NME9: variants seen among roughly 807,000 people sequenced by gnomAD.
NME9 encodes thioredoxin domain-containing protein 6.
A neutral mutation model predicts 44.4 loss-of-function variants in NME9; 48 were observed. That is an observed-to-expected ratio of 1.08 (90% CI 0.86 to 1.37). NME9 has a LOEUF of 1.37. Among genes scored for constraint, NME9 ranks in the 40% most tolerant of loss-of-function variants. The probability of loss-of-function intolerance (pLI) is 0.00; values close to 1 mark genes in which losing one functional copy is unlikely to be tolerated. For missense variants in NME9, 325 were observed against 405.2 expected (o/e 0.80, Z 1.70); for synonymous variants, 139 against 147.1 (o/e 0.94, Z 0.40).
chr3:138,298,816 T>A (rs1007991954), downstream of NME9, among the ~76,000 whole-genome samples: 1 of 152,194 alleles, frequency 6.6e-6, no homozygotes, highest in African/African-American at 2.4e-5. Flanking sequence ...CATCTCTGAA[T>A]TGTAGGCACA....
At chr3:138,322,072 G>A (rs529375317) in intron 2 of NME9, among the ~76,000 whole-genome samples, 1 of 151,702 alleles carries the variant, frequency 6.6e-6, no homozygotes, top group African/African-American at 2.4e-5. Flanking sequence ...GACAGATTTT[G>A]TTTTTTTTAA....
chr3:138,312,792 G>T (rs1306284303), intron 6 of NME9, among the ~76,000 whole-genome samples: 2 of 152,064 alleles, frequency 1.3e-5, no homozygotes, highest in African/African-American at 4.8e-5. Flanking sequence ...GCAAAGCAAA[G>T]GACACAATCA....
intron 8 of NME9, among the ~76,000 whole-genome samples, chr3:138,275,343 G>A (rs576593719): frequency 2.0e-5 from 3 of 152,226 alleles, no homozygotes; most frequent in South Asian, 2.1e-4. Context: ...GGATCACGAG[G>A]TCAGGAGATC....
intron 6 of NME9, among the ~76,000 whole-genome samples, chr3:138,311,558 C>G (rs1333610087): frequency 6.6e-6 from 1 of 152,076 alleles, no homozygotes; most frequent in Admixed American, 6.5e-5. Flanking sequence ...GGGATTCATC[C>G]CAGGGATGTA....
intron 6 of NME9, among the ~76,000 whole-genome samples, chr3:138,307,585 C>G (rs2052368702): frequency 6.6e-6 from 1 of 152,174 alleles, no homozygotes; most frequent in African/African-American, 2.4e-5. Flanking sequence ...TCTGACATTA[C>G]TATTTCTAAC....
chr3:138,287,131 A>G (rs904314809), intron 8 of NME9, among the ~76,000 whole-genome samples: 2 of 152,140 alleles, frequency 1.3e-5, no homozygotes, highest in Admixed American at 6.5e-5. Flanking sequence ...CTTCAGCCCA[A>G]CTGGTCTTCT....
At chr3:138,264,061 T>TG (rs1473898511) in intron 8 of NME9, 12 of 1,411,848 alleles carry the variant, frequency 8.5e-6, no homozygotes, top group Non-Finnish European at 1.2e-5. Context: ...CATTGTAAAA[T>TG]GCCAGCCAGT....
At chr3:138,305,300 G>A (rs912271041) in intron 8 of NME9, among the ~76,000 whole-genome samples, 1 of 152,186 alleles carries the variant, frequency 6.6e-6, no homozygotes, top group Non-Finnish European at 1.5e-5. Context: ...GGGAATAAAC[G>A]TGAGATTATA....
At chr3:138,274,108 C>T (rs747859564) in intron 8 of NME9, among the ~76,000 whole-genome samples, 1 of 151,980 alleles carries the variant, frequency 6.6e-6, no homozygotes, top group African/African-American at 2.4e-5. Flanking sequence ...GTGAGCGTAC[C>T]GTACTTGGCC....
intron 8 of NME9, among the ~76,000 whole-genome samples, chr3:138,267,973 T>C (rs2048430469): frequency 6.6e-6 from 1 of 152,098 alleles, no homozygotes; most frequent in South Asian, 2.1e-4. Flanking sequence ...CCAGGCACGG[T>C]GGTTCATGCG....
At position 138,302,994 on chromosome 3, in the gene NME9, C is replaced by T. The variant is rs552573842; in HGVS notation, c.928+513G>A. 5.3e-5 allele frequency among the ~76,000 whole-genome samples: 8 copies of T among 152,346 alleles called. No homozygotes were observed. The East Asian group carries it at 9.7e-4, about 18-fold the overall frequency. ...TGGCATGCCTTTCCCAGAGGCTGTC[C>T]GAATGCTTCCCATGAAGGGAAGGTC... On this transcript the variant is annotated intron_variant, in intron 10 of 10. Coordinates refer to ENST00000333911, the MANE Select transcript of NME9 (RefSeq NM_001349018.2).
intron 3 of NME9, among the ~76,000 whole-genome samples, chr3:138,319,075 A>G (rs1223912149): frequency 6.6e-6 from 1 of 152,130 alleles, no homozygotes; most frequent in Non-Finnish European, 1.5e-5. Flanking sequence ...GCATGTGCCT[A>G]TATAGTCCCA....
At chr3:138,312,128 C>A (rs776806730) in intron 6 of NME9, among the ~76,000 whole-genome samples, 25 of 152,074 alleles carry the variant, frequency 1.6e-4, no homozygotes, top group Non-Finnish European at 3.2e-4. Context: ...CACACACACA[C>A]AAATGGAAAG....
chr3:138,306,622 G>C (rs2052286634), intron 6 of NME9, 142 bp from the exon 7 acceptor site: 4 of 604,386 alleles, frequency 6.6e-6, no homozygotes, highest in Non-Finnish European at 2.9e-6. Context: ...TCCCTTCCCT[G>C]GCCTCTTAGT....
chr3:138,310,516 C>T (rs1413563547), intron 6 of NME9, among the ~76,000 whole-genome samples: 1 of 151,524 alleles, frequency 6.6e-6, no homozygotes, highest in East Asian at 1.9e-4. Flanking sequence ...AAATTATAAG[C>T]CACAAAACTA....
intron 8 of NME9, among the ~76,000 whole-genome samples, chr3:138,291,387 C>T (rs891699273): frequency 4.6e-5 from 7 of 152,242 alleles, no homozygotes; most frequent in Non-Finnish European, 8.8e-5. Context: ...TTTACACATT[C>T]TGTTCCATCT....
intron 8 of NME9, among the ~76,000 whole-genome samples, chr3:138,289,298 T>G (rs3732840): frequency 0.73 from 110,692 of 151,992 alleles, 40,437 homozygotes; most frequent in East Asian, 0.86. Flanking sequence ...AGTCAGCTGG[T>G]CAGTCAACAC....
At chr3:138,270,261 T>G (rs2048664787) in intron 8 of NME9, 1 of 707,192 alleles carries the variant, frequency 1.4e-6, no homozygotes, top group African/African-American at 1.8e-5. Context: ...TTTGTTCTAG[T>G]TTTCTAATGA....
At chr3:138,284,097 G>A (rs1318188933) in intron 8 of NME9, among the ~76,000 whole-genome samples, 1 of 152,214 alleles carries the variant, frequency 6.6e-6, no homozygotes, top group Non-Finnish European at 1.5e-5. Context: ...GCTTCTCTTA[G>A]AAATGAGATT....
Sources: allele counts gnomAD v4.1 joint callset (sites outside exome capture counted in the v4.1 genomes callset), GRCh38; gene constraint gnomAD v4.1.1; transcripts MANE v1.5; gene names NCBI Gene and HGNC (gene_info 2026-07-23, HGNC 2026-07-21).